The following SNRPN variants were observed in gnomAD, a reference collection of about 807,000 sequenced individuals.
SNRPN encodes the protein small nuclear ribonucleoprotein-associated protein N.
SNRPN carries 7 observed loss-of-function variants against 25.2 expected under a neutral mutation model. The observed-to-expected ratio is 0.28, with a 90% CI of 0.16 to 0.52. The LOEUF (loss-of-function observed/expected upper bound fraction) is 0.52. Among genes scored for constraint, SNRPN ranks in the 20% least tolerant of loss-of-function variants. SNRPN has a pLI of 0.96. For synonymous variants in SNRPN, 124 were observed against 110.6 expected, an observed-to-expected ratio of 1.12 and a Z score of -0.76; for missense variants, 196 against 322.5, an observed-to-expected ratio of 0.61 and a Z score of 3.00.
At chr15:24,887,756 C>A (rs1028387406) in intron 2 of SNRPN, among the ~76,000 whole-genome samples, 1 of 152,102 alleles carries the variant, frequency 6.6e-6, no homozygotes, top group African/African-American at 2.4e-5. Context: ...TGAAATGATA[C>A]CCCAGCCCAT....
intron 7 of SNRPN, among the ~76,000 whole-genome samples, 178 bp downstream of exon 7, chr15:24,977,207 T>C (rs1190652653): frequency 6.6e-6 from 1 of 152,198 alleles, no homozygotes; most frequent in East Asian, 1.9e-4. Context: ...AAATGGTCAT[T>C]GGGTGATTAA....
chr15:24,909,879 G>T (rs1342506218), intron 2 of SNRPN: 14 of 722,574 alleles, frequency 1.9e-5, no homozygotes, highest in African/African-American at 3.5e-5. Flanking sequence ...CAGGCACAGC[G>T]GCGCTGGGGC....
chr15:24,954,857 C>T (rs1181437333), upstream of SNRPN: 28 of 737,332 alleles, frequency 3.8e-5, no homozygotes, highest in Admixed American at 1.9e-4. Flanking sequence ...CAGGTCATTC[C>T]GGTGAGGGAG....
chr15:24,905,136 A>G (rs2058716099), intron 2 of SNRPN, among the ~76,000 whole-genome samples: 1 of 150,684 alleles, frequency 6.6e-6, no homozygotes, highest in African/African-American at 2.4e-5. Flanking sequence ...AAAAATTAAA[A>G]ATTAAATCCA....
chr15:24,958,624 C>T (rs923513873), intron 1 of SNRPN: 2 of 151,072 alleles, frequency 1.3e-5, no homozygotes, highest in South Asian at 2.1e-4. Flanking sequence ...TGTGGCTGGC[C>T]CAAATTCTCT....
At chr15:24,838,824 C>A (rs1345938967) in intron 2 of SNRPN, among the ~76,000 whole-genome samples, 4 of 152,082 alleles carry the variant, frequency 2.6e-5, no homozygotes, top group African/African-American at 9.7e-5. Flanking sequence ...TCCTAGCACC[C>A]TGGTCCTCCC....
chr15:24,849,721 G>A (rs1229937661), intron 2 of SNRPN: 2 of 152,156 alleles, frequency 1.3e-5, no homozygotes, highest in East Asian at 3.9e-4. Flanking sequence ...GGTCAGAATT[G>A]ACCTATGCAC....
At chr15:24,842,077 CCT>C (rs1338185107) in intron 2 of SNRPN, among the ~76,000 whole-genome samples, 5 of 152,148 alleles carry the variant, frequency 3.3e-5, no homozygotes, top group Non-Finnish European at 5.9e-5. Context: ...ATGTCCAGCC[CCT>C]GTGCTCCTGG....
chr15:24,943,352 A>G (rs1341863697), intron 3 of SNRPN, among the ~76,000 whole-genome samples: 2 of 152,030 alleles, frequency 1.3e-5, no homozygotes, highest in Admixed American at 1.3e-4. Flanking sequence ...GTTTTGTAGA[A>G]CCATCTGTAA....
chr15:24,896,992 A>G (rs1320770412), intron 2 of SNRPN, among the ~76,000 whole-genome samples: 1 of 151,928 alleles, frequency 6.6e-6, no homozygotes, highest in Non-Finnish European at 1.5e-5. Context: ...TCTCTATAGT[A>G]AAATACAAAA....
intron 3 of SNRPN, among the ~76,000 whole-genome samples, chr15:24,924,126 T>C (rs931459861): frequency 1.3e-5 from 2 of 151,312 alleles, no homozygotes; most frequent in Admixed American, 6.6e-5. Context: ...ATTGAGTCCT[T>C]GAAAGAAATT....
At chr15:24,833,750 C>T (rs1396601805) in intron 2 of SNRPN, among the ~76,000 whole-genome samples, 5 of 151,874 alleles carry the variant, frequency 3.3e-5, no homozygotes, top group Middle Eastern at 3.4e-3. Context: ...TGCAGAGCTA[C>T]GCAGGAAGAG....
At chr15:24,972,262 A>C (rs2076510754) in intron 3 of SNRPN, among the ~76,000 whole-genome samples, 1 of 151,572 alleles carries the variant, frequency 6.6e-6, no homozygotes, top group South Asian at 2.1e-4. Context: ...TCTCAAAAAA[A>C]AAAAAAAAAG....
At chr15:24,961,881 AT>A (rs901438930) in intron 1 of SNRPN, among the ~76,000 whole-genome samples, 6 of 151,850 alleles carry the variant, frequency 4.0e-5, no homozygotes, top group Non-Finnish European at 7.4e-5. Context: ...TCATTTTCTG[AT>A]TTTTTTTAAA....
At chr15:24,950,544 C>CTTTTTTTTTT (rs1024998270), upstream of SNRPN, among the ~76,000 whole-genome samples, 3 of 97,138 alleles carry the variant, frequency 3.1e-5, no homozygotes, top group Non-Finnish European at 6.2e-5. Context: ...GTTCTCATTT[C>CTTTTTTTTTT]TTTTTTTTTT....
chr15:24,968,931 A>G (rs928928932), intron 3 of SNRPN: 1 of 151,514 alleles, frequency 6.6e-6, no homozygotes, highest in African/African-American at 2.4e-5. Context: ...TTCCTCTGTG[A>G]TTTTTCTTTT....
At chr15:24,941,961 G>A (rs972583438) in intron 3 of SNRPN, among the ~76,000 whole-genome samples, 1 of 151,968 alleles carries the variant, frequency 6.6e-6, no homozygotes, top group African/African-American at 2.4e-5. Context: ...TGTATTTTCA[G>A]TAGAGATGGG....
intron 2 of SNRPN, chr15:24,848,350 C>G (rs1008582965): frequency 6.6e-6 from 1 of 152,302 alleles, no homozygotes; most frequent in African/African-American, 2.4e-5. Flanking sequence ...TTCCGCGCTT[C>G]AAGCGGATCT....
chr15:24,878,113 C>T (rs986761185), intron 1 of SNRPN, among the ~76,000 whole-genome samples: 1 of 152,226 alleles, frequency 6.6e-6, no homozygotes, highest in Non-Finnish European at 1.5e-5. Flanking sequence ...TACATATATT[C>T]AGTACCACTA....
Sources: gnomAD v4.1 joint callset for allele counts (sites outside exome capture counted in the v4.1 genomes callset) on GRCh38, gnomAD v4.1.1 for gene constraint, MANE v1.5 for transcripts, NCBI Gene and HGNC (gene_info 2026-07-23, HGNC 2026-07-21) for gene names.